Variants in NUP98 observed in about 807,000 individuals in gnomAD.
NUP98 encodes nucleoporin 98 and 96 precursor.
In NUP98, 26 loss-of-function variants were observed where a neutral mutation model predicts 191.9. The observed-to-expected ratio is 0.14, with a 90% confidence interval of 0.10 to 0.19. NUP98 has a LOEUF of 0.19. Ranked by LOEUF, NUP98 falls within the 10% of genes least tolerant of loss-of-function variation. The pLI, the probability that NUP98 is intolerant of heterozygous loss-of-function variation, is 1.00. For synonymous variants in NUP98, 808 were observed against 778.4 expected, an observed-to-expected ratio of 1.04 and a Z score of -0.63; for missense variants, 1,941 against 2,178.8, an observed-to-expected ratio of 0.89 and a Z score of 2.17.
intron 11 of NUP98, among the ~76,000 whole-genome samples, chr11:3,751,996 G>T (rs137880530): frequency 0.07 from 10,515 of 150,406 alleles, 376 homozygotes; most frequent in Middle Eastern, 0.1. Context: ...GCCAACATGG[G>T]GAAACCCTGT....
chr11:3,749,976 A>G (rs1387410933), intron 11 of NUP98, among the ~76,000 whole-genome samples: 1 of 152,230 alleles, frequency 6.6e-6, no homozygotes, highest in African/African-American at 2.4e-5. Flanking sequence ...AATTTGATGT[A>G]TCAATCCTAC....
chr11:3,695,671 G>A, intron 25 of NUP98, 65 bp from the exon 26 acceptor site: 1 of 1,130,998 alleles, frequency 8.8e-7, no homozygotes, highest in East Asian at 2.9e-5. Flanking sequence ...AAACACTTGG[G>A]GGCATTATCT....
Position 3,686,046 on chromosome 11 carries a change from A to G in NUP98, c.4603T>C (p.Tyr1535His). ...CCCTCACTTTCAAGCTGGCCAGCGT[A>G]ACTGGCCTGTAGCACACCTTCACAC... ...AQCEGVLQAS[Y>H]AGQLESEGLW... The change falls in exon 29 of 33, where the codon TAC becomes CAC. Residue 1535 changes from tyrosine (Y) to histidine (H), a missense_variant. Tyr to His is a moderately conservative substitution (Grantham distance 83, BLOSUM62 2). Coordinates refer to ENST00000324932, the MANE Select transcript of NUP98 (RefSeq NM_016320.5). 6.2e-7 allele frequency: 1 copy of G among 1,614,212 alleles called. No homozygotes were observed. Among genetic ancestry groups the G allele is most frequent in the South Asian group, 1.1e-5 (1 of 91,082 alleles).
intron 1 of NUP98, among the ~76,000 whole-genome samples, chr11:3,796,309 T>C (rs1482283848): frequency 6.6e-6 from 1 of 152,236 alleles, no homozygotes; most frequent in African/African-American, 2.4e-5. Flanking sequence ...CTAAGTCTTA[T>C]CAATATTTCC....
chr11:3,679,541 G>C lies in NUP98; in HGVS notation c.5073+13C>G, dbSNP rs1184563562. 6.2e-7 allele frequency: 1 copy of C among 1,613,946 alleles called. No homozygotes were observed. Among genetic ancestry groups the C allele is most frequent in the African/African-American group, 1.3e-5 (1 of 74,914 alleles). Reference sequence around the variant, plus strand: ...AAAGGAAAATCAGGCAGCAGTTTCAGGATCTCAGGTACCTGCTGTATATGG... The same window carrying C: ...AAAGGAAAATCAGGCAGCAGTTTCACGATCTCAGGTACCTGCTGTATATGG... On this transcript the variant is annotated intron_variant, in intron 31 of 32. Coordinates refer to ENST00000324932, the MANE Select transcript of NUP98 (RefSeq NM_016320.5).
At chr11:3,689,829 G>C (rs1486977840) in intron 28 of NUP98, among the ~76,000 whole-genome samples, 1 of 151,362 alleles carries the variant, frequency 6.6e-6, no homozygotes, top group Non-Finnish European at 1.5e-5. Context: ...TAGAAACAGG[G>C]TTTTGCCATA....
intron 18 of NUP98, among the ~76,000 whole-genome samples, chr11:3,715,424 C>T (rs543688091): frequency 1.6e-4 from 25 of 152,034 alleles, no homozygotes; most frequent in South Asian, 4.2e-4. Context: ...TGAGCCACCA[C>T]GCCCGGCCAT....
At chr11:3,782,470 T>A (rs1286131714) in intron 1 of NUP98, among the ~76,000 whole-genome samples, 1 of 151,792 alleles carries the variant, frequency 6.6e-6, no homozygotes, top group East Asian at 1.9e-4. Flanking sequence ...ATTTCAGGTC[T>A]ACAAGGCAAG....
At position 3,768,569 on chromosome 11, in the gene NUP98, C is replaced by G. The variant is rs374030253; in HGVS notation, c.948+12G>C. On this transcript the variant is annotated intron_variant, in intron 8 of 32. Coordinates refer to ENST00000324932, the MANE Select transcript of NUP98 (RefSeq NM_016320.5). ...ATAAGACATGGAGGTAAGTAAGGGT[C>G]TGTTTCCTTACCATGGTGTTGGTGC... 49 of 1,553,406 alleles carry G rather than the reference C, an allele frequency of 3.2e-5. No individual in the cohort carries two copies. The Admixed American group carries it at 8.9e-4, about 28-fold the overall frequency.
chr11:3,699,414 CTTCT>C (rs1380915891), intron 24 of NUP98, 66 bp from the exon 25 acceptor site: 32 of 1,533,068 alleles, frequency 2.1e-5, no homozygotes, highest in Admixed American at 1.6e-4. Flanking sequence ...AGAGGGCATC[CTTCT>C]AACTGTGATG....
At chr11:3,773,544 T>C in intron 6 of NUP98, 88 bp downstream of exon 6, 1 of 800,122 alleles carries the variant, frequency 1.2e-6, no homozygotes, top group South Asian at 1.9e-5. Flanking sequence ...AACCACTCTA[T>C]CCTAAAGAAA....
Position 3,699,299 on chromosome 11 carries a change from G to A in NUP98, c.3792C>T (p.Gly1264=). Residue 1264 remains glycine (G), a synonymous_variant, in exon 25 of 33, where the codon GGC becomes GGT. Transcript: ENST00000324932. ...LTWTLCEALW[G]HLKELDSQLN... is the part of the protein sequence containing the mutation. ...GCTGGCTGTCAAGCTCCTTCAGGTG[G>A]CCCCATAGGGCTTCACATAGTGTCC... 1 of 1,614,150 alleles carries A rather than the reference G, an allele frequency of 6.2e-7. No individual in the cohort carries two copies. The highest frequency in any genetic ancestry group is 8.5e-7 in the Non-Finnish European group (1 of 1,180,020).
At chr11:3,777,925 G>A (rs1311732051) in intron 4 of NUP98, among the ~76,000 whole-genome samples, 1 of 152,010 alleles carries the variant, frequency 6.6e-6, no homozygotes, top group Admixed American at 6.6e-5. Context: ...CAGGCCAGGC[G>A]CGGTGGCTCA....
intron 13 of NUP98, among the ~76,000 whole-genome samples, chr11:3,732,481 C>G (rs1026800934): frequency 4.6e-5 from 7 of 152,136 alleles, no homozygotes; most frequent in African/African-American, 1.7e-4. Context: ...TCAAGAAAAA[C>G]TGAGATTCTG....
chr11:3,789,900 T>G (rs1012731953), intron 1 of NUP98, among the ~76,000 whole-genome samples: 1 of 152,182 alleles, frequency 6.6e-6, no homozygotes, highest in African/African-American at 2.4e-5. Context: ...TTTCCCTGCC[T>G]CAGCCTCTCG....
intron 11 of NUP98, among the ~76,000 whole-genome samples, chr11:3,748,800 G>A (rs570258636): frequency 2.0e-4 from 31 of 152,110 alleles, no homozygotes; most frequent in Middle Eastern, 3.2e-3. Flanking sequence ...GATTTCAGAT[G>A]ATATATTCTG....
chr11:3,780,772 CA>C (rs2081942049), intron 2 of NUP98, among the ~76,000 whole-genome samples: 1 of 151,442 alleles, frequency 6.6e-6, no homozygotes, highest in Non-Finnish European at 1.5e-5. Flanking sequence ...CTCACCTCTA[CA>C]AAAAATTTTA....
intron 4 of NUP98, among the ~76,000 whole-genome samples, chr11:3,776,806 T>C (rs1219131177): frequency 6.7e-6 from 1 of 149,592 alleles, no homozygotes; most frequent in African/African-American, 2.5e-5. Flanking sequence ...TAGAAATTCA[T>C]ACAGAAAGAT....
chr11:3,762,611 T>C (rs183848718), intron 9 of NUP98, among the ~76,000 whole-genome samples: 1 of 152,284 alleles, frequency 6.6e-6, no homozygotes, highest in East Asian at 1.9e-4. Context: ...CAAAAGAATT[T>C]CAATTTAGAC....
Sources: allele counts gnomAD v4.1 joint callset (sites outside exome capture counted in the v4.1 genomes callset), GRCh38; gene constraint gnomAD v4.1.1; transcripts MANE v1.5; gene names NCBI Gene and HGNC (gene_info 2026-07-23, HGNC 2026-07-21).